Variants in C8orf34 observed in about 807,000 individuals in gnomAD.
C8orf34 encodes chromosome 8 open reading frame 34.
Under a neutral mutation model 68.3 loss-of-function variants are expected in C8orf34, and 65 were observed. The ratio of observed to expected loss-of-function variants is 0.95; its 90% confidence interval spans 0.78 to 1.17. The LOEUF is 1.17. C8orf34 is among the 50% of genes most tolerant of loss of function. C8orf34 has a pLI of 0.00. For missense variants in C8orf34, 664 were observed against 655.4 expected (o/e 1.01, Z -0.14); for synonymous variants, 244 against 241.2 (o/e 1.01, Z -0.11).
intron 12 of C8orf34, among the ~76,000 whole-genome samples, chr8:68,798,315 A>T (rs1157540111): frequency 7.1e-6 from 1 of 141,840 alleles, no homozygotes; most frequent in Non-Finnish European, 1.5e-5. Context: ...TTTTAAACAG[A>T]GTCTCATTCT....
At chr8:68,542,211 T>A (rs1213963586) in intron 7 of C8orf34, among the ~76,000 whole-genome samples, 1 of 152,204 alleles carries the variant, frequency 6.6e-6, no homozygotes, top group African/African-American at 2.4e-5. Context: ...GGGAATGGAA[T>A]GTGCAGAATT....
intron 10 of C8orf34, among the ~76,000 whole-genome samples, chr8:68,729,567 G>A (rs1821924363): frequency 6.6e-6 from 1 of 151,972 alleles, no homozygotes; most frequent in Non-Finnish European, 1.5e-5. Context: ...TCTGTTGTAA[G>A]GCATGCATAA....
At chr8:68,783,562 G>C (rs895362677) in intron 11 of C8orf34, among the ~76,000 whole-genome samples, 1 of 149,032 alleles carries the variant, frequency 6.7e-6, no homozygotes, top group Non-Finnish European at 1.5e-5. Context: ...CATATCTGAC[G>C]GCCTCCTTTG....
intron 10 of C8orf34, among the ~76,000 whole-genome samples, chr8:68,741,343 G>C (rs1822286347): frequency 6.6e-6 from 1 of 151,634 alleles, no homozygotes; most frequent in Non-Finnish European, 1.5e-5. Flanking sequence ...ATTTTTGTGG[G>C]TACATTGGTG....
intron 11 of C8orf34, among the ~76,000 whole-genome samples, chr8:68,777,079 G>A (rs1823541359): frequency 6.6e-6 from 1 of 152,218 alleles, no homozygotes; most frequent in South Asian, 2.1e-4. Context: ...AGACCACCGT[G>A]GCCACTAAAT....
intron 1 of C8orf34, 155 bp from the exon 2 acceptor site, chr8:68,439,337 AGTAACTT>A (rs900844207): frequency 5.4e-6 from 3 of 557,566 alleles, no homozygotes; most frequent in Non-Finnish European, 9.1e-6. Context: ...GAATGAGGGC[AGTAACTT>A]GTAGCCGTCT....
intron 8 of C8orf34, among the ~76,000 whole-genome samples, chr8:68,696,639 C>A (rs1820843615): frequency 6.6e-6 from 1 of 151,884 alleles, no homozygotes; most frequent in Non-Finnish European, 1.5e-5. Context: ...TATTCTCTTC[C>A]ATCACCATTT....
chr8:68,489,493 C>T (rs1309168124), intron 5 of C8orf34, among the ~76,000 whole-genome samples: 2 of 152,084 alleles, frequency 1.3e-5, no homozygotes, highest in Non-Finnish European at 2.9e-5. Flanking sequence ...AAGTCTAAAA[C>T]AAAATTCATT....
chr8:68,615,773 C>T (rs1347042542), intron 7 of C8orf34, among the ~76,000 whole-genome samples: 3 of 152,022 alleles, frequency 2.0e-5, no homozygotes, highest in Non-Finnish European at 2.9e-5. Flanking sequence ...TGTCTCTGCC[C>T]AGCTTTGGTA....
chr8:68,393,413 G>C (rs1344958758), intron 1 of C8orf34, among the ~76,000 whole-genome samples: 1 of 152,132 alleles, frequency 6.6e-6, no homozygotes, highest in East Asian at 1.9e-4. Context: ...GCACAGGAAT[G>C]TGAACAGATC....
At chr8:68,409,677 T>A (rs768335941) in intron 1 of C8orf34, among the ~76,000 whole-genome samples, 6 of 152,034 alleles carry the variant, frequency 3.9e-5, no homozygotes, top group Non-Finnish European at 7.4e-5. Flanking sequence ...TAGCATAGCC[T>A]AAATGTACAG....
intron 1 of C8orf34, among the ~76,000 whole-genome samples, chr8:68,426,272 C>A (rs1021276021): frequency 2.6e-5 from 4 of 151,998 alleles, no homozygotes; most frequent in Non-Finnish European, 5.9e-5. Flanking sequence ...AATCCCAGCA[C>A]TTTGGGAGCC....
At chr8:68,586,122 G>A (rs1211312088) in intron 7 of C8orf34, among the ~76,000 whole-genome samples, 2 of 152,050 alleles carry the variant, frequency 1.3e-5, no homozygotes. Context: ...AGAAAACAGA[G>A]GAAGATATAG....
intron 12 of C8orf34, among the ~76,000 whole-genome samples, chr8:68,796,463 T>A (rs1824179274): frequency 6.6e-6 from 1 of 151,706 alleles, no homozygotes; most frequent in Non-Finnish European, 1.5e-5. Context: ...AGATTAAATC[T>A]GCCTCTTTGG....
chr8:68,414,603 AAGACATG>A, intron 1 of C8orf34, among the ~76,000 whole-genome samples: 1 of 151,834 alleles, frequency 6.6e-6, no homozygotes, highest in Admixed American at 6.6e-5. Context: ...AGAGATGTCT[AAGACATG>A]CTTCCTGACC....
At chr8:68,368,723 AT>A (rs545569608) in intron 1 of C8orf34, among the ~76,000 whole-genome samples, 86 of 152,174 alleles carry the variant, frequency 5.7e-4, no homozygotes, top group Non-Finnish European at 9.3e-4. Context: ...TTACCATATG[AT>A]TTTTTTCCCT....
At chr8:68,352,535 C>T (rs1806554744) in intron 1 of C8orf34, among the ~76,000 whole-genome samples, 1 of 152,050 alleles carries the variant, frequency 6.6e-6, no homozygotes, top group Non-Finnish European at 1.5e-5. Flanking sequence ...TAGGCAGCCT[C>T]CACTCCTGGC....
At chr8:68,733,772 G>A (rs1822049411) in intron 10 of C8orf34, among the ~76,000 whole-genome samples, 1 of 152,084 alleles carries the variant, frequency 6.6e-6, no homozygotes, top group South Asian at 2.1e-4. Flanking sequence ...TAAATTAGAA[G>A]ACAGAATTGA....
chr8:68,768,910 TA>T (rs1185779726), intron 10 of C8orf34, among the ~76,000 whole-genome samples: 2 of 152,188 alleles, frequency 1.3e-5, no homozygotes, highest in Admixed American at 6.5e-5. Flanking sequence ...GTATCTTAAG[TA>T]TATTACTTCA....
Sources: allele counts gnomAD v4.1 joint callset (sites outside exome capture counted in the v4.1 genomes callset), GRCh38; gene constraint gnomAD v4.1.1; transcripts MANE v1.5; gene names NCBI Gene and HGNC (gene_info 2026-07-23, HGNC 2026-07-21).